Variants in SLC8A1 observed in about 807,000 individuals in gnomAD.
The protein encoded by SLC8A1 is sodium/calcium exchanger 1.
A neutral mutation model predicts 68.3 loss-of-function variants in SLC8A1; 18 were observed. The observed-to-expected ratio is 0.26, with a 90% CI of 0.18 to 0.39. The LOEUF (loss-of-function observed/expected upper bound fraction) is 0.39, where lower values mean the gene tolerates loss of function less well. Among genes scored for constraint, SLC8A1 ranks in the 10% least tolerant of loss-of-function variants. The probability of loss-of-function intolerance (pLI) is 1.00; values close to 1 mark genes in which losing one functional copy is unlikely to be tolerated. For synonymous variants in SLC8A1, 475 were observed against 415.5 expected (o/e 1.14, Z -1.74); for missense variants, 985 against 1,156.7 (o/e 0.85, Z 2.15).
chr2:40,319,285 CA>C (rs1434010195), intron 2 of SLC8A1, among the ~76,000 whole-genome samples: 1 of 152,080 alleles, frequency 6.6e-6, no homozygotes, highest in Admixed American at 6.6e-5. Context: ...AAATGCAGCA[CA>C]CATAGCTCAA....
At chr2:40,213,493 G>A (rs115507433) in intron 2 of SLC8A1, 1 of 152,334 alleles carries the variant, frequency 6.6e-6, no homozygotes, top group African/African-American at 2.4e-5. Context: ...AATGTCATGT[G>A]TGACAGTTGC....
chr2:40,478,092 T>G (rs1704402418), intron 1 of SLC8A1, among the ~76,000 whole-genome samples: 1 of 152,194 alleles, frequency 6.6e-6, no homozygotes, highest in Admixed American at 6.5e-5. Flanking sequence ...TCTTTTTTTC[T>G]TTTTCTTCCT....
intron 2 of SLC8A1, among the ~76,000 whole-genome samples, chr2:40,317,709 C>A (rs1318081006): frequency 2.0e-5 from 3 of 151,986 alleles, no homozygotes; most frequent in Non-Finnish European, 4.4e-5. Context: ...CACAATTCCT[C>A]AAACTCTGTA....
At chr2:40,388,562 C>T (rs746178061) in intron 2 of SLC8A1, among the ~76,000 whole-genome samples, 6 of 152,098 alleles carry the variant, frequency 3.9e-5, no homozygotes, top group Admixed American at 6.5e-5. Context: ...TGCATCTAAG[C>T]AACAGTATGT....
At chr2:40,252,008 A>T (rs2062835201) in intron 2 of SLC8A1, among the ~76,000 whole-genome samples, 1 of 152,188 alleles carries the variant, frequency 6.6e-6, no homozygotes, top group African/African-American at 2.4e-5. Context: ...GTTTTTATAT[A>T]ACCATATATG....
chr2:40,212,281 A>ATGTTGTT (rs371395367), intron 2 of SLC8A1, among the ~76,000 whole-genome samples: 1 of 118,212 alleles, frequency 8.5e-6, no homozygotes, highest in Non-Finnish European at 1.8e-5. Context: ...GAGATGCAAT[A>ATGTTGTT]TCTTTTTTTT....
At chr2:40,369,412 G>T (rs867866633) in intron 2 of SLC8A1, among the ~76,000 whole-genome samples, 2 of 152,100 alleles carry the variant, frequency 1.3e-5, no homozygotes, top group African/African-American at 4.8e-5. Context: ...TTGGAAACAA[G>T]TATCAGCACA....
At chr2:40,098,846 C>A (rs936401696) in exon 8 of SLC8A1, 2 of 151,936 alleles carry the variant, frequency 1.3e-5, no homozygotes, top group African/African-American at 4.8e-5. Flanking sequence ...CAATCACATT[C>A]ATAATAAAAG....
intron 7 of SLC8A1, among the ~76,000 whole-genome samples, chr2:40,127,232 G>C (rs2038306147): frequency 6.6e-6 from 1 of 152,182 alleles, no homozygotes. Flanking sequence ...ATAGATGAGA[G>C]AGCTTAATCT....
At chr2:40,182,821 C>CT (rs1185048303) in intron 2 of SLC8A1, among the ~76,000 whole-genome samples, 1 of 152,174 alleles carries the variant, frequency 6.6e-6, no homozygotes, top group Non-Finnish European at 1.5e-5. Context: ...ACCACAGTCT[C>CT]TTTTTCAACT....
chr2:40,148,395 T>C (rs1363534471), intron 6 of SLC8A1, among the ~76,000 whole-genome samples: 3 of 152,208 alleles, frequency 2.0e-5, no homozygotes, highest in Admixed American at 2.0e-4. Context: ...AACACTCTCA[T>C]AACTCTTTTC....
chr2:40,368,039 T>A (rs975339707), intron 2 of SLC8A1, among the ~76,000 whole-genome samples: 3 of 152,124 alleles, frequency 2.0e-5, no homozygotes, highest in Non-Finnish European at 4.4e-5. Context: ...GAATTTTTAA[T>A]CTATCATGCA....
At chr2:40,361,967 C>T (rs1674767672) in intron 2 of SLC8A1, among the ~76,000 whole-genome samples, 1 of 114,516 alleles carries the variant, frequency 8.7e-6, no homozygotes, top group Admixed American at 1.3e-4. Context: ...GTGGCACAAT[C>T]TGCCTGCAAC....
intron 2 of SLC8A1, among the ~76,000 whole-genome samples, chr2:40,194,153 G>T (rs933069422): frequency 6.6e-6 from 1 of 152,068 alleles, no homozygotes; most frequent in Non-Finnish European, 1.5e-5. Context: ...CATAAATTCA[G>T]ATCTGAGCAC....
chr2:40,173,872 G>A (rs1294714232), intron 4 of SLC8A1, among the ~76,000 whole-genome samples: 1 of 152,124 alleles, frequency 6.6e-6, no homozygotes, highest in Non-Finnish European at 1.5e-5. Flanking sequence ...CTCTCTAAAT[G>A]TGCACAGATG....
exon 8 of SLC8A1, chr2:40,109,045 C>T (rs1312312654): frequency 3.3e-5 from 5 of 152,208 alleles, no homozygotes; most frequent in African/African-American, 1.2e-4. Context: ...CCCCGTCCCC[C>T]AGTGCATTCT....
At chr2:40,129,201 C>A (rs1311132360) in intron 7 of SLC8A1, among the ~76,000 whole-genome samples, 1 of 151,744 alleles carries the variant, frequency 6.6e-6, no homozygotes, top group Non-Finnish European at 1.5e-5. Context: ...ATAAAAACAA[C>A]CCACCAGAAA....
At chr2:40,115,681 T>C (rs777283379) in intron 7 of SLC8A1, 52 bp from the exon 11 acceptor site, 46 of 1,561,432 alleles carry the variant, frequency 2.9e-5, no homozygotes, top group Non-Finnish European at 3.9e-5. Context: ...AGAGATGTCT[T>C]TGGAGTGCTG....
intron 2 of SLC8A1, among the ~76,000 whole-genome samples, chr2:40,238,380 C>T (rs982441159): frequency 4.6e-5 from 7 of 152,128 alleles, no homozygotes; most frequent in Admixed American, 1.3e-4. Flanking sequence ...AGGTGCTGTC[C>T]GTCACCCCTT....
Sources: gnomAD v4.1 joint callset for allele counts (sites outside exome capture counted in the v4.1 genomes callset) on GRCh38, gnomAD v4.1.1 for gene constraint, MANE v1.5 for transcripts, NCBI Gene and HGNC (gene_info 2026-07-23, HGNC 2026-07-21) for gene names.